Variants in CNTN4 observed in about 807,000 individuals in gnomAD.
CNTN4 encodes contactin-4.
CNTN4 carries 77 observed loss-of-function variants against 122.5 expected under a neutral mutation model. That is an observed-to-expected ratio of 0.63 (90% CI 0.52 to 0.76). The LOEUF is 0.76. CNTN4 is among the 30% of genes least tolerant of loss of function. The probability of loss-of-function intolerance (pLI) is 0.00; values close to 1 mark genes in which losing one functional copy is unlikely to be tolerated. For missense variants in CNTN4, 1,256 were observed against 1,259.1 expected (o/e 1.00, Z 0.04); for synonymous variants, 512 against 447.0 (o/e 1.15, Z -1.83).
intron 2 of CNTN4, among the ~76,000 whole-genome samples, chr3:2,168,759 G>C (rs1401142156): frequency 6.6e-6 from 1 of 152,060 alleles, no homozygotes; most frequent in East Asian, 1.9e-4. Flanking sequence ...AGGACCATTT[G>C]TATGTAATAC....
chr3:2,751,059 T>TG (rs1358295438), intron 6 of CNTN4, among the ~76,000 whole-genome samples: 1 of 152,052 alleles, frequency 6.6e-6, no homozygotes, highest in Non-Finnish European at 1.5e-5. Context: ...TCCAGCCCTT[T>TG]GGGAGGCCGA....
At chr3:2,143,469 A>T (rs1208053824) in intron 2 of CNTN4, among the ~76,000 whole-genome samples, 3 of 152,208 alleles carry the variant, frequency 2.0e-5, no homozygotes, top group Admixed American at 2.0e-4. Context: ...TCACATTATT[A>T]TTCTCCTGAG....
intron 4 of CNTN4, among the ~76,000 whole-genome samples, chr3:2,614,666 G>T (rs2081636502): frequency 6.6e-6 from 1 of 152,164 alleles, no homozygotes; most frequent in South Asian, 2.1e-4. Context: ...TTTTCTCAGA[G>T]ATGTGTAGGA....
At chr3:3,046,901 C>G (rs1700721553) in intron 23 of CNTN4, among the ~76,000 whole-genome samples, 2 of 137,724 alleles carry the variant, frequency 1.5e-5, no homozygotes, top group Admixed American at 1.4e-4. Context: ...CAGGGACACA[C>G]ATAGGCTCAA....
intron 2 of CNTN4, among the ~76,000 whole-genome samples, chr3:2,179,990 T>C (rs937293059): frequency 5.3e-5 from 8 of 151,872 alleles, no homozygotes; most frequent in African/African-American, 1.7e-4. Context: ...ATTTTACTTA[T>C]AGCACATCTC....
In CNTN4 at chr3:2,709,733, G is replaced by A. The variant is rs1216881335; in HGVS notation, c.56-26482G>A. On this transcript the variant is annotated intron_variant, in intron 4 of 24. Transcript: ENST00000418658. The surrounding 1 kb of genome is among the most constrained non-coding windows in gnomAD (Gnocchi z 5.0). The stretch of plus-strand genomic sequence containing the variant: ...GTTCAAAATCAGCCTGGCCAACATG[G>A]TGAAACCCTCTCTCTACTAAAAATA... 2.6e-5 allele frequency among the ~76,000 whole-genome samples: 4 copies of A among 151,972 alleles called. No individual in the cohort carries two copies. The highest frequency in any genetic ancestry group is 4.4e-5 in the Non-Finnish European group (3 of 67,996).
At chr3:2,206,047 G>A (rs2038326936) in intron 2 of CNTN4, among the ~76,000 whole-genome samples, 1 of 152,090 alleles carries the variant, frequency 6.6e-6, no homozygotes, top group African/African-American at 2.4e-5. Flanking sequence ...TGACAGGTGA[G>A]AGTGTTTCAC....
chr3:3,046,719 A>G (rs1191230985), intron 23 of CNTN4, among the ~76,000 whole-genome samples: 2 of 152,156 alleles, frequency 1.3e-5, no homozygotes, highest in East Asian at 3.9e-4. Flanking sequence ...AACTGCATCA[A>G]CTACCGAGCA....
chr3:2,762,583 G>T (rs113909213), intron 6 of CNTN4, among the ~76,000 whole-genome samples: 17,919 of 152,154 alleles, frequency 0.12, 1,180 homozygotes, highest in East Asian at 0.15. Flanking sequence ...TCATTGATGC[G>T]CTTTTAGGTT....
At chr3:2,607,554 C>T (rs1001689848) in intron 4 of CNTN4, among the ~76,000 whole-genome samples, 1 of 144,898 alleles carries the variant, frequency 6.9e-6, no homozygotes, top group African/African-American at 2.5e-5. Context: ...TAATGTAATG[C>T]TCTTTATATA....
chr3:2,618,537 C>G (rs1435310540), intron 4 of CNTN4, among the ~76,000 whole-genome samples: 1 of 152,088 alleles, frequency 6.6e-6, no homozygotes, highest in Non-Finnish European at 1.5e-5. Context: ...TTACAACAAC[C>G]TATGAAATAG....
At chr3:2,396,879 TCATTCTTCC>T (rs1046991207) in intron 3 of CNTN4, among the ~76,000 whole-genome samples, 29 of 152,310 alleles carry the variant, frequency 1.9e-4, no homozygotes, top group African/African-American at 6.5e-4. Flanking sequence ...TGCAGTAATG[TCATTCTTCC>T]CATTTAGTGG....
At chr3:2,534,337 T>G (rs1185501872) in intron 3 of CNTN4, among the ~76,000 whole-genome samples, 1 of 152,210 alleles carries the variant, frequency 6.6e-6, no homozygotes, top group African/African-American at 2.4e-5. Context: ...TAGCCAGTTT[T>G]CCCAGCACCA....
chr3:2,443,933 T>A (rs1313364578), intron 3 of CNTN4, among the ~76,000 whole-genome samples: 1 of 152,194 alleles, frequency 6.6e-6, no homozygotes. Flanking sequence ...AAGGACCAAA[T>A]GGATTTACGT....
intron 3 of CNTN4, among the ~76,000 whole-genome samples, chr3:2,392,891 A>T (rs1315444331): frequency 6.6e-6 from 1 of 152,072 alleles, no homozygotes; most frequent in Non-Finnish European, 1.5e-5. Context: ...CTCCTATTTA[A>T]CTAAAACTTC....
intron 4 of CNTN4, among the ~76,000 whole-genome samples, chr3:2,729,264 C>A (rs1355285875): frequency 4.6e-5 from 7 of 152,106 alleles, no homozygotes; most frequent in African/African-American, 1.7e-4. Context: ...GGGATCCTAA[C>A]CTGTTTAGAA....
chr3:2,483,058 G>C (rs1406583172), intron 3 of CNTN4, among the ~76,000 whole-genome samples: 1 of 152,192 alleles, frequency 6.6e-6, no homozygotes, highest in Non-Finnish European at 1.5e-5. Flanking sequence ...AAAAGCCACA[G>C]ACACTCAATG....
intron 2 of CNTN4, among the ~76,000 whole-genome samples, chr3:2,129,597 C>T (rs1042742349): frequency 1.3e-5 from 2 of 151,910 alleles, no homozygotes; most frequent in Non-Finnish European, 2.9e-5. Context: ...AACAGATGCT[C>T]TCTGAAAAAT....
At chr3:2,963,147 CCGTTTCTCTA>C (rs1309718876) in intron 13 of CNTN4, among the ~76,000 whole-genome samples, 3 of 152,162 alleles carry the variant, frequency 2.0e-5, no homozygotes, top group Non-Finnish European at 4.4e-5. Flanking sequence ...AATTTTCTCA[CCGTTTCTCTA>C]GTCTATGCCA....
Sources: allele counts gnomAD v4.1 joint callset (sites outside exome capture counted in the v4.1 genomes callset), GRCh38; gene constraint gnomAD v4.1.1; non-coding constraint Gnocchi (gnomAD v3.1); transcripts MANE v1.5; gene names NCBI Gene and HGNC (gene_info 2026-07-23, HGNC 2026-07-21).